The following PGPEP1L variants were observed in gnomAD, a reference collection of about 807,000 sequenced individuals.
PGPEP1L encodes pyroglutamyl-peptidase I like.
In PGPEP1L, 7 loss-of-function variants were observed where a neutral mutation model predicts 6.0. The ratio of observed to expected loss-of-function variants is 1.17; its 90% confidence interval spans 0.66 to 2.19. The LOEUF is 2.19. PGPEP1L is among the 30% of genes most tolerant of loss of function. PGPEP1L has a pLI of 0.00. For missense variants in PGPEP1L, 209 were observed against 192.5 expected (o/e 1.09, Z -0.51); for synonymous variants, 103 against 83.9 (o/e 1.23, Z -1.24).
rs577589395 is a variant in PGPEP1L, at chr15:98,982,143, C to T, written c.-141-10985G>A. On this transcript the variant is annotated intron_variant, in intron 2 of 4. Transcript: ENST00000535714. ...TTTCCTTGAGCGTTTACTAGGAGCA[C>T]GGTGTTTGTGGGGAGGACTGTGAAG... is the stretch of plus-strand genomic sequence containing the variant. Among the ~76,000 whole-genome samples, 23 of 152,316 alleles carry T rather than the reference C, an allele frequency of 1.5e-4. No homozygotes were observed. The East Asian group carries it at 3.7e-3, about 24-fold the overall frequency.
chr15:98,992,187 T>C (rs2017828899), intron 2 of PGPEP1L, among the ~76,000 whole-genome samples: 2 of 152,244 alleles, frequency 1.3e-5, no homozygotes, highest in Non-Finnish European at 2.9e-5. Flanking sequence ...AATGATTGTA[T>C]ATTTAGAAAA....
chr15:98,992,996 A>G (rs1555472209), intron 2 of PGPEP1L, among the ~76,000 whole-genome samples: 2 of 152,148 alleles, frequency 1.3e-5, no homozygotes, highest in Non-Finnish European at 1.5e-5. Flanking sequence ...CTAAAACTGT[A>G]AGAACCCTAG....
intron 2 of PGPEP1L, among the ~76,000 whole-genome samples, chr15:98,988,129 C>A (rs1210622360): frequency 6.6e-6 from 1 of 152,106 alleles, no homozygotes; most frequent in East Asian, 1.9e-4. Context: ...CCTGCAACAC[C>A]AGCGAGACAG....
chr15:98,995,599 G>A (rs1416493688), intron 2 of PGPEP1L, among the ~76,000 whole-genome samples: 1 of 152,180 alleles, frequency 6.6e-6, no homozygotes, highest in Non-Finnish European at 1.5e-5. Context: ...GGGAGACTGA[G>A]GCAGGAGAAT....
At chr15:98,970,939 C>A in intron 3 of PGPEP1L, 97 bp downstream of exon 3, 1 of 1,536,250 alleles carries the variant, frequency 6.5e-7, no homozygotes, top group South Asian at 1.3e-5. Context: ...GACGGGGTGC[C>A]CCTCAACCAT....
chr15:98,989,318 C>T (rs782195598), intron 2 of PGPEP1L, among the ~76,000 whole-genome samples: 5 of 152,044 alleles, frequency 3.3e-5, no homozygotes, highest in Non-Finnish European at 7.4e-5. Context: ...AAACAGAGCA[C>T]AAGAACTTCA....
chr15:98,969,330 G>A, intron 4 of PGPEP1L, 95 bp downstream of exon 4: 3 of 1,503,684 alleles, frequency 2.0e-6, no homozygotes, highest in Non-Finnish European at 2.8e-6. Flanking sequence ...GTGGCCAGCT[G>A]GACGATACAG....
intron 2 of PGPEP1L, among the ~76,000 whole-genome samples, chr15:98,994,796 T>C (rs779987700): frequency 7.9e-4 from 121 of 152,324 alleles, no homozygotes; most frequent in Non-Finnish European, 1.6e-3. Context: ...TATAAAAATG[T>C]CTTTGCTTCA....
At chr15:98,987,725 G>T (rs1182400597) in intron 2 of PGPEP1L, among the ~76,000 whole-genome samples, 2 of 152,138 alleles carry the variant, frequency 1.3e-5, no homozygotes, top group African/African-American at 4.8e-5. Context: ...GCTCCAGTCT[G>T]CAGCTCCCAG....
rs776457285 is a variant in PGPEP1L, at chr15:98,969,597, A to T, written c.37T>A (p.Ser13Thr). ...TAAKAIILEQ[S>T]GKNQGYRDAD... ...TCCCGGTAGCCTTGGTTCTTGCCAG[A>T]CTGTTCCAGAATGATCGCCTTGGCG... The change falls in exon 4 of 5, where the codon TCT (serine) becomes ACT (threonine). Residue 13 changes from serine to threonine, a missense_variant. Ser to Thr is a moderately conservative substitution (Grantham distance 58). Coordinates refer to ENST00000535714, the MANE Select transcript of PGPEP1L (RefSeq NM_001167902.2). 1 of 1,613,536 alleles carries T rather than the reference A, an allele frequency of 6.2e-7. No homozygotes were observed. The highest frequency in any genetic ancestry group is 1.3e-5 in the African/African-American group (1 of 74,928).
Position 98,986,494 on chromosome 15 carries a change from G to A in PGPEP1L, c.-141-15336C>T, listed in dbSNP as rs2017748978. 1.3e-5 allele frequency among the ~76,000 whole-genome samples: 2 copies of A among 152,238 alleles called. 1 individual carries two copies. Among genetic ancestry groups the A allele is most frequent in the South Asian group, 4.1e-4 (2 of 4,832 alleles). On this transcript the variant is annotated intron_variant, in intron 2 of 4. Coordinates refer to ENST00000535714, the MANE Select transcript of PGPEP1L (RefSeq NM_001167902.2). The stretch of plus-strand genomic sequence containing the variant: ...GAGGGTAACGTGCCAACACCATAGT[G>A]AGAGGGCATGGATTTGGGATCCTCC...
intron 2 of PGPEP1L, among the ~76,000 whole-genome samples, chr15:98,981,489 CAA>C (rs769918543): frequency 0.091 from 7,432 of 82,120 alleles, 694 homozygotes; most frequent in African/African-American, 0.23. Context: ...GACTCCGTCT[CAA>C]AAAAAAAAAA....
At chr15:98,998,926 G>C (rs1446576572) in intron 2 of PGPEP1L, among the ~76,000 whole-genome samples, 2 of 152,218 alleles carry the variant, frequency 1.3e-5, no homozygotes, top group Non-Finnish European at 2.9e-5. Flanking sequence ...AGTGAGCTGA[G>C]ATTGCGCCAC....
At chr15:98,985,912 T>TC (rs766015110) in intron 2 of PGPEP1L, among the ~76,000 whole-genome samples, 55 of 152,222 alleles carry the variant, frequency 3.6e-4, no homozygotes, top group Non-Finnish European at 6.6e-4. Flanking sequence ...CCAGCTACCC[T>TC]CCCTCCAGGG....
In PGPEP1L at chr15:98,972,764, G is replaced by A. The variant is rs563393023; in HGVS notation, c.-141-1606C>T. 6.6e-5 allele frequency among the ~76,000 whole-genome samples: 10 copies of A among 150,988 alleles called. No homozygotes were observed. The South Asian group carries it at 1.3e-3, about 19-fold the overall frequency. On this transcript the variant is annotated intron_variant, in intron 2 of 4. Transcript: ENST00000535714. ...CAGGCACCTGTAGTCCCAGCTACTC[G>A]GGAGGCTGAGGCAGGAGAATGGTGT...
At chr15:98,986,086 T>TC (rs2017742526) in intron 2 of PGPEP1L, among the ~76,000 whole-genome samples, 1 of 152,218 alleles carries the variant, frequency 6.6e-6, no homozygotes, top group Non-Finnish European at 1.5e-5. Context: ...ATGGACCATG[T>TC]CCTCTCCCTA....
intron 2 of PGPEP1L, among the ~76,000 whole-genome samples, chr15:98,976,605 A>C (rs187753160): frequency 6.7e-4 from 102 of 152,354 alleles, no homozygotes; most frequent in African/African-American, 2.4e-3. Flanking sequence ...GCTGTATTGC[A>C]AAAACCCAGA....
At position 98,969,532 on chromosome 15, in the gene PGPEP1L, G is replaced by A. The variant is rs146741044; in HGVS notation, c.102C>T (p.Cys34=). Residue 34 remains cysteine (C), a synonymous_variant, in exon 4 of 5, where the codon TGC becomes TGT. Coordinates refer to ENST00000535714, the MANE Select transcript of PGPEP1L (RefSeq NM_001167902.2). ...IRSFWPEGGV[C]LPGSPDVLES... is the part of the protein sequence containing the mutation. ...CCAGCACGTCTGGGCTGCCAGGTAG[G>A]CACACGCCGCCCTCGGGCCAGAAGC... The A allele has an allele frequency of 7.5e-5, 121 of 1,613,990 alleles. No individual in the cohort carries two copies. The East Asian group carries it at 2.6e-3, about 34-fold the overall frequency.
At chr15:99,005,054 A>C (rs2018030486) in intron 2 of PGPEP1L, among the ~76,000 whole-genome samples, 1 of 151,926 alleles carries the variant, frequency 6.6e-6, no homozygotes, top group African/African-American at 2.4e-5. Context: ...CTTCCTTGCT[A>C]TGAGCCTGCA....
Sources: gnomAD v4.1 joint callset for allele counts (sites outside exome capture counted in the v4.1 genomes callset) on GRCh38, gnomAD v4.1.1 for gene constraint, MANE v1.5 for transcripts, NCBI Gene and HGNC (gene_info 2026-07-23, HGNC 2026-07-21) for gene names.